The following SRGAP2C variants were observed in gnomAD, a reference collection of about 807,000 sequenced individuals.
SRGAP2C encodes the protein SLIT-ROBO Rho GTPase-activating protein 2C.
SRGAP2C carries 15 observed loss-of-function variants against 25.1 expected under a neutral mutation model. The ratio of observed to expected loss-of-function variants is 0.60; its 90% CI spans 0.40 to 0.92. The LOEUF (loss-of-function observed/expected upper bound fraction) is 0.92, where lower values mean the gene tolerates loss of function less well. Among genes scored for constraint, SRGAP2C ranks in the 40% least tolerant of loss-of-function variants. The probability of loss-of-function intolerance (pLI) is 0.00; values close to 1 mark genes in which losing one functional copy is unlikely to be tolerated. For missense variants in SRGAP2C, 144 were observed against 264.4 expected (o/e 0.54, Z 3.16); for synonymous variants, 44 against 96.6 (o/e 0.46, Z 3.19).
At chr1:121,280,027 G>A (rs1332575480) in intron 2 of SRGAP2C, among the ~76,000 whole-genome samples, 1 of 151,582 alleles carries the variant, frequency 6.6e-6, no homozygotes, top group Non-Finnish European at 1.5e-5. Context: ...TTTTTTCAGT[G>A]AGATATAATT....
intron 2 of SRGAP2C, among the ~76,000 whole-genome samples, chr1:121,218,740 C>T (rs1655458180): frequency 6.6e-6 from 1 of 151,836 alleles, no homozygotes; most frequent in South Asian, 2.1e-4. Context: ...GAGTGAGACC[C>T]TGTCTCAGAG....
At chr1:121,355,110 C>T (rs1390541995) in intron 4 of SRGAP2C, among the ~76,000 whole-genome samples, 21 of 119,216 alleles carry the variant, frequency 1.8e-4, no homozygotes, top group Non-Finnish European at 2.6e-4. Context: ...ATAACATAGG[C>T]TTAAAATATG....
intron 3 of SRGAP2C, among the ~76,000 whole-genome samples, chr1:121,286,014 C>G (rs1657357104): frequency 6.6e-6 from 1 of 152,204 alleles, no homozygotes; most frequent in Non-Finnish European, 1.5e-5. Flanking sequence ...CAAAAAAAGT[C>G]ATAATATTTT....
At chr1:121,268,307 G>A in intron 2 of SRGAP2C, among the ~76,000 whole-genome samples, 1 of 150,788 alleles carries the variant, frequency 6.6e-6, no homozygotes, top group East Asian at 1.9e-4. Context: ...GGAAGCATAT[G>A]CAAAGGCCCT....
Position 121,365,596 on chromosome 1 carries a change from T to C in SRGAP2C, c.486+241T>C, listed in dbSNP as rs1173962765. Among the ~76,000 whole-genome samples, 2 of 91,534 alleles carry C rather than the reference T, an allele frequency of 2.2e-5. 1 individual carries two copies. Among genetic ancestry groups the C allele is most frequent in the Non-Finnish European group, 4.7e-5 (2 of 42,698 alleles). The allele number at this position is 91,534 out of a possible 152,430, so 60.0% of individuals were successfully genotyped here. On this transcript the variant is annotated intron_variant, in intron 5 of 9. Transcript: ENST00000367123. Reference sequence around the variant, plus strand: ...GCTATGCAAGCTCACCCTGGCTTTATTTGGGGCATAGTTACTAGAGACCAG... The same window carrying C: ...GCTATGCAAGCTCACCCTGGCTTTACTTGGGGCATAGTTACTAGAGACCAG...
chr1:121,323,446 T>C (rs1658251825), intron 3 of SRGAP2C, among the ~76,000 whole-genome samples: 1 of 149,750 alleles, frequency 6.7e-6, no homozygotes, highest in Non-Finnish European at 1.5e-5. Context: ...TGAAAACCCA[T>C]CTCTACTAAA....
At position 121,392,346 on chromosome 1, in the gene SRGAP2C, T is replaced by TTCATTA. The variant is rs1660123140; in HGVS notation, c.*4494_*4499dup. On this transcript the variant is annotated 3_prime_UTR_variant, in exon 10 of 10. Transcript: ENST00000367123. ...TTCCTTTCTCTTCTTCTTTCTCGCC[T>TTCATTA]TCATTATCCCTTTCGCTGTTTCTCT... 6.6e-6 allele frequency: 1 copy of TTCATTA among 152,210 alleles called. No individual in the cohort carries two copies. The highest frequency in any genetic ancestry group is 1.5e-5 in the Non-Finnish European group (1 of 68,018). 9.4% of individuals were successfully genotyped at this position (152,210 alleles called of 1,614,324 possible).
At chr1:121,375,325 T>C (rs1659615664) in intron 7 of SRGAP2C, among the ~76,000 whole-genome samples, 1 of 71,978 alleles carries the variant, frequency 1.4e-5, no homozygotes, top group Non-Finnish European at 2.7e-5. Context: ...TTCCTTTTTT[T>C]TTTTTTTTTT....
chr1:121,377,954 G>C (rs1553353822), intron 7 of SRGAP2C, among the ~76,000 whole-genome samples: 1 of 152,190 alleles, frequency 6.6e-6, no homozygotes. Flanking sequence ...GGAAGTGTGT[G>C]ACAATAGAAG....
At chr1:121,354,452 C>T (rs1297751464) in intron 4 of SRGAP2C, among the ~76,000 whole-genome samples, 1 of 114,536 alleles carries the variant, frequency 8.7e-6, no homozygotes, top group African/African-American at 3.4e-5. Flanking sequence ...GGCTGGAGGG[C>T]AGTAGTGCAA....
intron 2 of SRGAP2C, among the ~76,000 whole-genome samples, chr1:121,271,479 A>G (rs587617020): frequency 1.1e-4 from 16 of 152,040 alleles, no homozygotes; most frequent in South Asian, 1.0e-3. Flanking sequence ...TTTTACAGCA[A>G]TAAGTGAAAC....
At chr1:121,282,801 G>T (rs1265667133) in intron 2 of SRGAP2C, among the ~76,000 whole-genome samples, 2 of 147,068 alleles carry the variant, frequency 1.4e-5, no homozygotes. Context: ...CTTGTGATCC[G>T]CCCGCCTCGG....
rs1468986325 is a variant in SRGAP2C, at chr1:121,391,013, C to T, written c.*3158C>T. The stretch of plus-strand genomic sequence containing the variant: ...CCAAGGTCGTGTCACTGCACTCCAG[C>T]CTGGGTGACAGAGTAAGACTCTGCC... On this transcript the variant is annotated 3_prime_UTR_variant, in exon 10 of 10. Coordinates refer to ENST00000367123, the MANE Select transcript of SRGAP2C (RefSeq NM_001329984.2). The T allele has an allele frequency of 1.0e-5, 1 of 98,942 alleles. No homozygotes were observed. The highest frequency in any genetic ancestry group is 1.1e-4 in the Admixed American group (1 of 9,494). The allele number at this position is 98,942 out of a possible 1,614,324, so 6.1% of individuals were successfully genotyped here. A position where few individuals can be genotyped will look rare whatever the true frequency, so the allele number is the denominator to read the frequency against.
chr1:121,302,279 G>A (rs1357518299), intron 3 of SRGAP2C, among the ~76,000 whole-genome samples: 7 of 151,818 alleles, frequency 4.6e-5, no homozygotes, highest in Admixed American at 3.9e-4. Flanking sequence ...TGGGAGAAAT[G>A]ATTTCATTTT....
At position 121,391,059 on chromosome 1, in the gene SRGAP2C, T is replaced by C. The variant is rs1158714963; in HGVS notation, c.*3204T>C. 9 of 126,848 alleles carry C rather than the reference T, an allele frequency of 7.1e-5. No individual in the cohort carries two copies. The highest frequency in any genetic ancestry group is 1.3e-4 in the Non-Finnish European group (8 of 59,692). 7.9% of individuals were successfully genotyped at this position (126,848 alleles called of 1,614,324 possible). On this transcript the variant is annotated 3_prime_UTR_variant, in exon 10 of 10. Coordinates refer to ENST00000367123, the MANE Select transcript of SRGAP2C (RefSeq NM_001329984.2). ...CTGCCTAAAAAAAAAAAAAGAAAGA[T>C]TAAAAAATAAATAAATCTGCTGGGC...
intron 2 of SRGAP2C, among the ~76,000 whole-genome samples, chr1:121,201,579 G>A (rs1479591373): frequency 6.6e-6 from 1 of 152,212 alleles, no homozygotes; most frequent in East Asian, 1.9e-4. Context: ...GCACACTTAG[G>A]CATGCGCGTG....
At chr1:121,379,321 G>C (rs1428791427) in intron 7 of SRGAP2C, among the ~76,000 whole-genome samples, 2 of 151,214 alleles carry the variant, frequency 1.3e-5, no homozygotes, top group Non-Finnish European at 2.9e-5. Context: ...TCATACATCT[G>C]GATGGGCTGT....
At chr1:121,278,034 G>A (rs1657146491) in intron 2 of SRGAP2C, among the ~76,000 whole-genome samples, 1 of 149,234 alleles carries the variant, frequency 6.7e-6, no homozygotes, top group African/African-American at 2.5e-5. Context: ...TTGACCTCCT[G>A]GGCTCAAGCA....
At chr1:121,289,360 C>G (rs1260548071) in intron 3 of SRGAP2C, among the ~76,000 whole-genome samples, 1 of 151,574 alleles carries the variant, frequency 6.6e-6, no homozygotes, top group African/African-American at 2.4e-5. Flanking sequence ...GCTAAGTCCC[C>G]CATTGCCCGG....
Sources: allele counts gnomAD v4.1 joint callset (sites outside exome capture counted in the v4.1 genomes callset), GRCh38; gene constraint gnomAD v4.1.1; transcripts MANE v1.5; gene names NCBI Gene and HGNC (gene_info 2026-07-23, HGNC 2026-07-21).